STAT1: variants seen among roughly 807,000 people sequenced by gnomAD.
STAT1 encodes signal transducer and activator of transcription 1, also known as signal transducer and activator of transcription 1-alpha/beta.
STAT1 carries 24 observed loss-of-function variants against 111.7 expected under a neutral mutation model. The ratio of observed to expected loss-of-function variants is 0.21; its 90% CI spans 0.16 to 0.30. The LOEUF (loss-of-function observed/expected upper bound fraction) is 0.30, where lower values mean the gene tolerates loss of function less well. Among genes scored for constraint, STAT1 ranks in the 10% least tolerant of loss-of-function variants. The probability of loss-of-function intolerance (pLI) is 1.00; values close to 1 mark genes in which losing one functional copy is unlikely to be tolerated. For missense variants in STAT1, 351 were observed against 911.9 expected (o/e 0.38, Z 7.92); for synonymous variants, 332 against 326.5 (o/e 1.02, Z -0.18).
chr2:191,011,483 A>G (rs899718787), intron 2 of STAT1, among the ~76,000 whole-genome samples: 1 of 152,150 alleles, frequency 6.6e-6, no homozygotes, highest in African/African-American at 2.4e-5. Context: ...GTGGCAGTGG[A>G]GCGCAGTTCA....
chr2:190,976,526 A>G lies in STAT1; in HGVS notation c.2059+314T>C, dbSNP rs1260349790. 6.6e-6 allele frequency among the ~76,000 whole-genome samples: 1 copy of G among 152,176 alleles called. No individual in the cohort carries two copies. The highest frequency in any genetic ancestry group is 1.9e-4 in the East Asian group (1 of 5,202). ...TTTCCTCAACTTTAACGTGAGCAAG[A>G]TGCCTTCTGTTGGTTTACCACAGTT... On this transcript the variant is annotated intron_variant, in intron 22 of 24. Transcript: ENST00000361099. This position sits in a 1 kb window ranked among gnomAD's most constrained non-coding sequence, Gnocchi z 6.0.
chr2:190,996,032 T>C lies in STAT1; in HGVS notation c.786-813A>G, dbSNP rs1212836612. 6.6e-6 allele frequency among the ~76,000 whole-genome samples: 1 copy of C among 151,472 alleles called. No individual in the cohort carries two copies. The highest frequency in any genetic ancestry group is 2.4e-5 in the African/African-American group (1 of 41,168). On this transcript the variant is annotated intron_variant, in intron 9 of 24. Coordinates refer to ENST00000361099, the MANE Select transcript of STAT1 (RefSeq NM_007315.4). The surrounding 1 kb of genome is among the most constrained non-coding windows in gnomAD (Gnocchi z 4.5). ...GTCTCGGCAGGACCAGTCAGAGATG[T>C]GGGGCAGAGGGGCAGGAGGAGAGAC...
Position 190,974,939 on chromosome 2 carries a change from TG to T in STAT1, c.2136-8del, listed in dbSNP as rs1691786241. On this transcript the variant is annotated splice_region_variant and splice_polypyrimidine_tract_variant and intron_variant, in intron 23 of 24. Coordinates refer to ENST00000361099, the MANE Select transcript of STAT1 (RefSeq NM_007315.4). The surrounding 1 kb of genome is among the most constrained non-coding windows in gnomAD (Gnocchi z 4.8). Reference sequence around the variant, plus strand: ...CTGAAGTCTAGAAGGGTGACTAAAATGGGGAAAAAGAAAAGAGCAATGTCAA... The same window carrying T: ...CTGAAGTCTAGAAGGGTGACTAAAATGGGAAAAAGAAAAGAGCAATGTCAA... The T allele has an allele frequency of 2.5e-6, 4 of 1,609,770 alleles. No homozygotes were observed. The African/African-American group carries it at 5.3e-5, about 22-fold the overall frequency.
rs1328370447 is a variant in STAT1 at position 190,996,745 on chromosome 2, AAAT to A, written c.785+1108_785+1110del. Among the ~76,000 whole-genome samples the A allele has an allele frequency of 2.6e-5, 4 of 152,308 alleles. No homozygotes were observed. In the East Asian group the frequency reaches 7.7e-4, roughly 29 times the overall value. ...TTTTTTTAAAAACTGGCAATATAGA[AAAT>A]AACCTCGTGAGATCTCTGGTCCTTG... On this transcript the variant is annotated intron_variant, in intron 9 of 24. Coordinates refer to ENST00000361099, the MANE Select transcript of STAT1 (RefSeq NM_007315.4). This position sits in a 1 kb window ranked among gnomAD's most constrained non-coding sequence, Gnocchi z 4.5.
At chr2:191,001,974 C>A (rs977282204) in intron 5 of STAT1, among the ~76,000 whole-genome samples, 1 of 152,154 alleles carries the variant, frequency 6.6e-6, no homozygotes, top group Non-Finnish European at 1.5e-5. Flanking sequence ...TGCTTGTCAA[C>A]CTTTCTTACA....
At chr2:191,009,342 C>T (rs571901928) in intron 3 of STAT1, among the ~76,000 whole-genome samples, 7 of 152,280 alleles carry the variant, frequency 4.6e-5, no homozygotes, top group African/African-American at 1.4e-4. Context: ...TGACAGTGTT[C>T]ATGGTGACTA....
intron 5 of STAT1, among the ~76,000 whole-genome samples, chr2:191,001,751 T>A (rs41453045): frequency 2.6e-4 from 39 of 152,356 alleles, no homozygotes; most frequent in African/African-American, 8.7e-4. Flanking sequence ...TATTCAGTCC[T>A]ATTTTTGATA....
In STAT1 at chr2:190,986,674, G is replaced by A. The variant is rs766248904; in HGVS notation, c.1221+180C>T. 6.6e-6 allele frequency among the ~76,000 whole-genome samples: 1 copy of A among 152,200 alleles called. No individual in the cohort carries two copies. The highest frequency in any genetic ancestry group is 2.4e-5 in the African/African-American group (1 of 41,450). ...CCCAGAAAACAGAGTGAACAGTCGTGGGATAAGGAGGAGAAACCAAAATGC... is the reference window on the plus strand; with the variant it reads ...CCCAGAAAACAGAGTGAACAGTCGTAGGATAAGGAGGAGAAACCAAAATGC... On this transcript the variant is annotated intron_variant, in intron 14 of 24. Coordinates refer to ENST00000361099, the MANE Select transcript of STAT1 (RefSeq NM_007315.4). This position sits in a 1 kb window ranked among gnomAD's most constrained non-coding sequence, Gnocchi z 5.0.
chr2:190,977,168 G>A lies in STAT1; in HGVS notation c.1874-143C>T. On this transcript the variant is annotated intron_variant, in intron 21 of 24. Transcript: ENST00000361099. This position sits in a 1 kb window ranked among gnomAD's most constrained non-coding sequence, Gnocchi z 4.7. ...TCTAAGCATTATAACATATACAGTA[G>A]ACTGCTTTATTTCTAAATAAATTAT... is the stretch of plus-strand genomic sequence containing the variant. 1.3e-6 allele frequency: 1 copy of A among 753,610 alleles called. No individual in the cohort carries two copies. The highest frequency in any genetic ancestry group is 2.3e-6 in the Non-Finnish European group (1 of 439,558). The allele number at this position is 753,610 out of a possible 1,614,324, so 46.7% of individuals were successfully genotyped here.
chr2:190,975,212 G>A lies in STAT1; in HGVS notation c.2136-280C>T, dbSNP rs1691814158. ...CTTCTGCCTGGGTAAGCCTAGGTGT[G>A]AGCATGTGCGGTGCACTACCCTGAG... On this transcript the variant is annotated intron_variant, in intron 23 of 24. Coordinates refer to ENST00000361099, the MANE Select transcript of STAT1 (RefSeq NM_007315.4). The surrounding 1 kb of genome is among the most constrained non-coding windows in gnomAD (Gnocchi z 5.9). 1.7e-5 allele frequency: 8 copies of A among 469,088 alleles called. No homozygotes were observed. The highest frequency in any genetic ancestry group is 3.4e-5 in the Non-Finnish European group (8 of 238,054). 29.1% of individuals were successfully genotyped at this position (469,088 alleles called of 1,614,324 possible).
chr2:191,010,668 G>A (rs1695051897), intron 2 of STAT1, among the ~76,000 whole-genome samples: 1 of 151,798 alleles, frequency 6.6e-6, no homozygotes, highest in African/African-American at 2.4e-5. Context: ...TGATTCATAT[G>A]GTAAAATTCA....
In STAT1 at chr2:190,978,825, G is replaced by C. The variant is rs55956636; in HGVS notation, c.1873+31C>G. The C allele has an allele frequency of 5.6e-6, 9 of 1,612,296 alleles. No homozygotes were observed. In the East Asian group the frequency reaches 1.8e-4, roughly 32 times the overall value. ...AAGAGGGACTTCACACACATGGAAT[G>C]GTGGGACTATGTGCTCAAACTCCCA... On this transcript the variant is annotated intron_variant, in intron 21 of 24. Transcript: ENST00000361099. The surrounding 1 kb of genome is among the most constrained non-coding windows in gnomAD (Gnocchi z 6.1).
chr2:190,997,747 A>G lies in STAT1; in HGVS notation c.785+109T>C, dbSNP rs1411277247. 12 of 1,503,476 alleles carry G rather than the reference A, an allele frequency of 8.0e-6. No individual in the cohort carries two copies. Among genetic ancestry groups the G allele is most frequent in the Non-Finnish European group, 1.1e-5 (12 of 1,092,054 alleles). The allele number at this position is 1,503,476 out of a possible 1,614,324, so 93.1% of individuals were successfully genotyped here. A position where few individuals can be genotyped will look rare whatever the true frequency, so the allele number is the denominator to read the frequency against. On this transcript the variant is annotated intron_variant, in intron 9 of 24. Transcript: ENST00000361099. The surrounding 1 kb of genome is among the most constrained non-coding windows in gnomAD (Gnocchi z 7.3). ...CAGAAGCTGGACTATGTCAAACTCT[A>G]TACTAATGTTTTGACAGGGTCCATT...
chr2:190,980,653 G>A lies in STAT1; in HGVS notation c.1599C>T (p.Pro533=), dbSNP rs747857564. 14 of 1,614,072 alleles carry A rather than the reference G, an allele frequency of 8.7e-6. No homozygotes were observed. The highest frequency in any genetic ancestry group is 4.5e-5 in the East Asian group (2 of 44,898). The change falls in exon 19 of 25, where the codon CCC becomes CCT. Residue 533 remains proline (P), a synonymous_variant. Transcript: ENST00000361099. The surrounding 1 kb of genome is among the most constrained non-coding windows in gnomAD (Gnocchi z 6.1). ...ACCTCGTCCACGGAATGAGACCATC[G>A]GGGCTGGCGTTAGGACCTAAACAAA... ...GEKLLGPNAS[P]DGLIPWTRFC...
In STAT1 at chr2:190,976,794, C is replaced by G. The variant is rs766254489; in HGVS notation, c.2059+46G>C. 1 of 1,533,646 alleles carries G rather than the reference C, an allele frequency of 6.5e-7. No homozygotes were observed. The stretch of plus-strand genomic sequence containing the variant: ...AGTTTCAGAATAATCACCCCCTCAT[C>G]AGGAAAGACTGTGCCACGCTGTTAC... On this transcript the variant is annotated intron_variant, in intron 22 of 24. Coordinates refer to ENST00000361099, the MANE Select transcript of STAT1 (RefSeq NM_007315.4). This position sits in a 1 kb window ranked among gnomAD's most constrained non-coding sequence, Gnocchi z 6.0.
Position 190,984,764 on chromosome 2 carries a change from C to T in STAT1, c.1264-371G>A, listed in dbSNP as rs755801416. ...TGAGAGGACTGGGAGTAAGTGCATA[C>T]TTGTGATTGTCTACTGCCTACCGGA... On this transcript the variant is annotated intron_variant, in intron 15 of 24. Coordinates refer to ENST00000361099, the MANE Select transcript of STAT1 (RefSeq NM_007315.4). This position sits in a 1 kb window ranked among gnomAD's most constrained non-coding sequence, Gnocchi z 5.2. Among the ~76,000 whole-genome samples, 7 of 152,228 alleles carry T rather than the reference C, an allele frequency of 4.6e-5. No homozygotes were observed. Among genetic ancestry groups the T allele is most frequent in the Non-Finnish European group, 7.3e-5 (5 of 68,040 alleles).
At position 190,977,140 on chromosome 2, in the gene STAT1, C is replaced by T; in HGVS notation, c.1874-115G>A. 1 of 958,454 alleles carries T rather than the reference C, an allele frequency of 1.0e-6. No individual in the cohort carries two copies. The highest frequency in any genetic ancestry group is 1.7e-6 in the Non-Finnish European group (1 of 600,334). 59.4% of individuals were successfully genotyped at this position (958,454 alleles called of 1,614,324 possible). On this transcript the variant is annotated intron_variant, in intron 21 of 24. Coordinates refer to ENST00000361099, the MANE Select transcript of STAT1 (RefSeq NM_007315.4). This position sits in a 1 kb window ranked among gnomAD's most constrained non-coding sequence, Gnocchi z 4.7. ...GAGTGAACCTCATAAGAACTAATCA[C>T]AATCTAAGCATTATAACATATACAG...
rs769967623 is a variant in STAT1, at chr2:190,982,526, G to A, written c.1447-8C>T. The A allele has an allele frequency of 1.9e-6, 3 of 1,614,094 alleles. No individual in the cohort carries two copies. The highest frequency in any genetic ancestry group is 2.5e-6 in the Non-Finnish European group (3 of 1,179,982). On this transcript the variant is annotated splice_region_variant and splice_polypyrimidine_tract_variant and intron_variant, in intron 17 of 24. Transcript: ENST00000361099. The surrounding 1 kb of genome is among the most constrained non-coding windows in gnomAD (Gnocchi z 7.3). ...CAGGAAGAAGGACAGATTCTAGAGA[G>A]AAAACACCCAAAATCTAAGGGTTAC...
Position 190,995,298 on chromosome 2 carries a change from T to TAG in STAT1, c.786-81_786-80dup. ...TGGATTAAAGGGAATCATGGTATATTAGTCCATTCTCATGCTGCTAATAAA... is the reference window on the plus strand; with the variant it reads ...TGGATTAAAGGGAATCATGGTATATTAGAGTCCATTCTCATGCTGCTAATAAA... On this transcript the variant is annotated intron_variant, in intron 9 of 24. Coordinates refer to ENST00000361099, the MANE Select transcript of STAT1 (RefSeq NM_007315.4). This position sits in a 1 kb window ranked among gnomAD's most constrained non-coding sequence, Gnocchi z 4.2. 7.3e-7 allele frequency: 1 copy of TAG among 1,377,804 alleles called. No homozygotes were observed. Among genetic ancestry groups the TAG allele is most frequent in the Non-Finnish European group, 1.0e-6 (1 of 969,906 alleles). 85.3% of individuals were successfully genotyped at this position (1,377,804 alleles called of 1,614,324 possible). A position where few individuals can be genotyped will look rare whatever the true frequency, so the allele number is the denominator to read the frequency against.
Sources: gnomAD v4.1 joint callset for allele counts (sites outside exome capture counted in the v4.1 genomes callset) on GRCh38, gnomAD v4.1.1 for gene constraint, Gnocchi (gnomAD v3.1) non-coding constraint, MANE v1.5 for transcripts, NCBI Gene and HGNC (gene_info 2026-07-23, HGNC 2026-07-21) for gene names.